Variants in LMBRD2 observed in about 807,000 individuals in gnomAD.
LMBRD2 encodes LMBR1 domain containing 2, also known as G protein-coupled receptor-associated protein LMBRD2.
LMBRD2 carries 55 observed loss-of-function variants against 94.4 expected under a neutral mutation model. The ratio of observed to expected loss-of-function variants is 0.58; its 90% CI spans 0.47 to 0.73. The LOEUF is 0.73. LMBRD2 is among the 30% of genes least tolerant of loss of function. LMBRD2 has a pLI of 0.00. For missense variants in LMBRD2, 640 were observed against 831.9 expected (o/e 0.77, Z 2.84); for synonymous variants, 246 against 272.4 (o/e 0.90, Z 0.95).
intron 10 of LMBRD2, among the ~76,000 whole-genome samples, chr5:36,117,032 G>T (rs1407390633): frequency 1.3e-5 from 2 of 151,818 alleles, no homozygotes; most frequent in Non-Finnish European, 2.9e-5. Flanking sequence ...CAGTAATAGA[G>T]AATTTTTTAA....
At chr5:36,114,585 A>G in intron 12 of LMBRD2, 64 bp from the exon 13 acceptor site, 2 of 1,437,536 alleles carry the variant, frequency 1.4e-6, no homozygotes, top group Non-Finnish European at 1.8e-6. Context: ...CCTTTCCATC[A>G]TTAGAAAATT....
At chr5:36,107,774 T>C (rs1166848531) in intron 16 of LMBRD2, among the ~76,000 whole-genome samples, 1 of 152,284 alleles carries the variant, frequency 6.6e-6, no homozygotes, top group Admixed American at 6.5e-5. Context: ...CCTCCAACAA[T>C]TGACTACTAT....
In LMBRD2 at chr5:36,098,945, T is replaced by C. The variant is rs1474309724; in HGVS notation, c.*5101A>G. ...GCACCAAAAATGACCACAGTAACATTTTGAAAAATTATGATCATATGCACA... is the reference window on the plus strand; with the variant it reads ...GCACCAAAAATGACCACAGTAACATCTTGAAAAATTATGATCATATGCACA... On this transcript the variant is annotated 3_prime_UTR_variant, in exon 18 of 18. Coordinates refer to ENST00000296603, the MANE Select transcript of LMBRD2 (RefSeq NM_001007527.2). 2 of 152,114 alleles carry C rather than the reference T, an allele frequency of 1.3e-5. No homozygotes were observed. Among genetic ancestry groups the C allele is most frequent in the African/African-American group, 4.8e-5 (2 of 41,460 alleles). The allele number at this position is 152,114 out of a possible 1,614,324, so 9.4% of individuals were successfully genotyped here.
In LMBRD2 at chr5:36,106,508, C is replaced by CTTTTTTTTTTTTTT. The variant is rs201602814; in HGVS notation, c.1898-1312_1898-1311insAAAAAAAAAAAAAA. Among the ~76,000 whole-genome samples, 65 of 132,806 alleles carry CTTTTTTTTTTTTTT rather than the reference C, an allele frequency of 4.9e-4. 1 individual carries two copies. The highest frequency in any genetic ancestry group is 9.1e-4 in the Non-Finnish European group (57 of 62,788). The allele number at this position is 132,806 out of a possible 152,430, so 87.1% of individuals were successfully genotyped here. A position where few individuals can be genotyped will look rare whatever the true frequency, so the allele number is the denominator to read the frequency against. ...TCAAAATCCCAACTTTTTTTTCTTTCGTTTTTTTTTTTTTTTTTTTTGATG... is the reference window on the plus strand; with the variant it reads ...TCAAAATCCCAACTTTTTTTTCTTTCTTTTTTTTTTTTTTGTTTTTTTTTTTTTTTTTTTTGATG... On this transcript the variant is annotated intron_variant, in intron 16 of 17. Transcript: ENST00000296603.
intron 6 of LMBRD2, among the ~76,000 whole-genome samples, chr5:36,131,995 G>C (rs965390954): frequency 4.6e-5 from 7 of 152,046 alleles, no homozygotes; most frequent in Non-Finnish European, 8.8e-5. Context: ...CCACAAAAGA[G>C]CCTCAACTGC....
chr5:36,138,348 C>T (rs1463071554), intron 4 of LMBRD2, among the ~76,000 whole-genome samples: 2 of 152,144 alleles, frequency 1.3e-5, no homozygotes, highest in Non-Finnish European at 2.9e-5. Context: ...ATGGCATATA[C>T]ATATAATGGG....
At chr5:36,125,200 C>A (rs1743980803) in intron 6 of LMBRD2, among the ~76,000 whole-genome samples, 2 of 152,014 alleles carry the variant, frequency 1.3e-5, no homozygotes, top group African/African-American at 4.8e-5. Context: ...TCACAATATT[C>A]TATAATATTC....
intron 16 of LMBRD2, 125 bp from the exon 17 acceptor site, chr5:36,105,322 A>C (rs1194406327): frequency 1.2e-6 from 1 of 809,934 alleles, no homozygotes; most frequent in Non-Finnish European, 2.0e-6. Context: ...ACATAAGAAA[A>C]GATAACTACA....
At chr5:36,132,677 A>AAAG (rs1744183475) in intron 6 of LMBRD2, among the ~76,000 whole-genome samples, 1 of 151,340 alleles carries the variant, frequency 6.6e-6, no homozygotes, top group South Asian at 2.1e-4. Context: ...AAAAAAAAAA[A>AAAG]AAGACATACA....
chr5:36,117,872 G>A lies in LMBRD2; in HGVS notation c.1165C>T (p.Leu389Phe). 1.2e-6 allele frequency: 2 copies of A among 1,613,334 alleles called. No individual in the cohort carries two copies. Among genetic ancestry groups the A allele is most frequent in the Non-Finnish European group, 1.7e-6 (2 of 1,179,758 alleles). The change falls in exon 10 of 18, where the codon CTT (leucine) becomes TTT (phenylalanine). Residue 389 changes from leucine (L) to phenylalanine (F), a missense_variant. Transcript: ENST00000296603. ...CLLRPWFYKI[L>F]AVVLSIFSVI... The stretch of plus-strand genomic sequence containing the variant: ...GAGAAGATGGACAGAACCACAGCAA[G>A]TATCTTGTAAAACCATGGTCGCAAA...
At chr5:36,147,775 G>A in intron 1 of LMBRD2, 1 of 296,792 alleles carries the variant, frequency 3.4e-6, no homozygotes, top group South Asian at 2.5e-5. Context: ...TTTGTAGTTT[G>A]AAGAATTCCA....
intron 7 of LMBRD2, among the ~76,000 whole-genome samples, chr5:36,123,585 TGG>T (rs1743936921): frequency 6.6e-6 from 1 of 151,968 alleles, no homozygotes; most frequent in African/African-American, 2.4e-5. Flanking sequence ...CATGGTTCTG[TGG>T]GTTTAAAAGA....
chr5:36,122,258 A>G lies in LMBRD2; in HGVS notation c.1120+22T>C, dbSNP rs1319331576. The G allele has an allele frequency of 2.6e-6, 4 of 1,528,286 alleles. No individual in the cohort carries two copies. The South Asian group carries it at 5.0e-5, about 19-fold the overall frequency. The allele number at this position is 1,528,286 out of a possible 1,614,324, so 94.7% of individuals were successfully genotyped here. ...GAAAACTTTTCATCATTAAAGTTTG[A>G]AATTTATATCAAATTACATACCAAA... is the stretch of plus-strand genomic sequence containing the variant. On this transcript the variant is annotated intron_variant, in intron 9 of 17. Coordinates refer to ENST00000296603, the MANE Select transcript of LMBRD2 (RefSeq NM_001007527.2).
chr5:36,142,716 CTTTTT>C, intron 2 of LMBRD2, 117 bp from the exon 3 acceptor site: 2 of 393,368 alleles, frequency 5.1e-6, no homozygotes, highest in Non-Finnish European at 9.1e-6. Context: ...ATGCTTTATT[CTTTTT>C]TTTTTTTTTT....
Position 36,122,894 on chromosome 5 carries a change from T to C in LMBRD2, c.890A>G (p.His297Arg), listed in dbSNP as rs766270311. The C allele has an allele frequency of 3.8e-6, 6 of 1,589,828 alleles. No homozygotes were observed. The Admixed American group carries it at 5.5e-5, about 15-fold the overall frequency. Residue 297 changes from histidine (H) to arginine (R), a missense_variant, in exon 8 of 18, where the codon CAT becomes CGT. Transcript: ENST00000296603. ...MDDYEDFDEK[H>R]SIYPSEKSLV... ...ACTTTTTTCACTTGGATAGATACTA[T>C]GCTTTTCATCAAAATCTTCATAATC...
In LMBRD2 at chr5:36,117,716, A is replaced by C. The variant is rs755673477; in HGVS notation, c.1302+19T>G. ...CTATGAAGTGACATCTATTTATGAC[A>C]GACATAAAATAAACTGACCTCGATA... is the stretch of plus-strand genomic sequence containing the variant. On this transcript the variant is annotated intron_variant, in intron 10 of 17. Coordinates refer to ENST00000296603, the MANE Select transcript of LMBRD2 (RefSeq NM_001007527.2). 1.3e-6 allele frequency: 2 copies of C among 1,520,832 alleles called. No homozygotes were observed. Among genetic ancestry groups the C allele is most frequent in the Non-Finnish European group, 1.8e-6 (2 of 1,107,236 alleles). 94.2% of individuals were successfully genotyped at this position (1,520,832 alleles called of 1,614,324 possible). A position where few individuals can be genotyped will look rare whatever the true frequency, so the allele number is the denominator to read the frequency against.
Position 36,098,444 on chromosome 5 carries a change from C to T in LMBRD2, c.*5602G>A, listed in dbSNP as rs1166398170. 1 of 151,868 alleles carries T rather than the reference C, an allele frequency of 6.6e-6. No homozygotes were observed. Among genetic ancestry groups the T allele is most frequent in the Non-Finnish European group, 1.5e-5 (1 of 67,880 alleles). The allele number at this position is 151,868 out of a possible 1,614,324, so 9.4% of individuals were successfully genotyped here. A position where few individuals can be genotyped will look rare whatever the true frequency, so the allele number is the denominator to read the frequency against. On this transcript the variant is annotated 3_prime_UTR_variant, in exon 18 of 18. Coordinates refer to ENST00000296603, the MANE Select transcript of LMBRD2 (RefSeq NM_001007527.2). ...TAAAGTACACATATTTATTTTAAAA[C>T]ATTTGTCATATTTGCTAATAAATTG...
At chr5:36,143,617 G>A (rs932062121) in intron 1 of LMBRD2, among the ~76,000 whole-genome samples, 6 of 152,034 alleles carry the variant, frequency 3.9e-5, no homozygotes, top group Admixed American at 3.3e-4. Flanking sequence ...AAAATTTCAC[G>A]TACCTTGTAT....
chr5:36,133,329 T>G (rs1215972539), intron 6 of LMBRD2, among the ~76,000 whole-genome samples: 1 of 151,826 alleles, frequency 6.6e-6, no homozygotes, highest in Non-Finnish European at 1.5e-5. Flanking sequence ...TGTTCCCACT[T>G]ATTTACGGGG....
Sources: gnomAD v4.1 joint callset for allele counts (sites outside exome capture counted in the v4.1 genomes callset) on GRCh38, gnomAD v4.1.1 for gene constraint, MANE v1.5 for transcripts, NCBI Gene and HGNC (gene_info 2026-07-23, HGNC 2026-07-21) for gene names.